The following SLCO1C1 variants were observed in gnomAD, a reference collection of about 807,000 sequenced individuals.
SLCO1C1 encodes the protein OAT-RP-5.
Under a neutral mutation model 76.4 loss-of-function variants are expected in SLCO1C1, and 70 were observed. The observed-to-expected ratio is 0.92, with a 90% confidence interval of 0.76 to 1.12. The LOEUF is 1.12. SLCO1C1 is among the 50% of genes most tolerant of loss of function. The pLI is 0.00. For missense variants in SLCO1C1, 912 were observed against 823.8 expected, an observed-to-expected ratio of 1.11 and a Z score of -1.31; for synonymous variants, 306 against 286.1, an observed-to-expected ratio of 1.07 and a Z score of -0.70.
In SLCO1C1 at chr12:20,733,086, T is replaced by G; in HGVS notation, c.1364T>G (p.Leu455Arg). 6.3e-7 allele frequency: 1 copy of G among 1,591,084 alleles called. No homozygotes were observed. The highest frequency in any genetic ancestry group is 1.2e-5 in the South Asian group (1 of 86,354). The change falls in exon 10 of 15, where the codon CTA (leucine) becomes CGA (arginine). Residue 455 changes from leucine (L) to arginine (R), a missense_variant. By Grantham distance (102) the Leu-to-Arg change is moderately radical (BLOSUM62 -2). Transcript: ENST00000266509. ...TGTGAAAATTCTGATGTGGCAGGAC[T>G]AACTGTCTCCTACCAAGGGTATGTT... is the stretch of plus-strand genomic sequence containing the variant. The part of the protein sequence containing the change: ...LGCENSDVAG[L>R]TVSYQGTKPV...
At chr12:20,707,093 T>C (rs945501698) in intron 4 of SLCO1C1, among the ~76,000 whole-genome samples, 2 of 152,082 alleles carry the variant, frequency 1.3e-5, no homozygotes, top group Non-Finnish European at 2.9e-5. Context: ...GGGCTCAGAA[T>C]TCTCTGAGTG....
In SLCO1C1 at chr12:20,721,815, A is replaced by G. The variant is rs772752193; in HGVS notation, c.787A>G (p.Ile263Val). ...CCTCTGTCTTTCAGATCACATAACCATTACCCCAAAAGATCCCCAGTGGGT... is the reference window on the plus strand; with the variant it reads ...CCTCTGTCTTTCAGATCACATAACCGTTACCCCAAAAGATCCCCAGTGGGT... ...IGFVNLDHIT[I>V]TPKDPQWVGA... The change falls in exon 8 of 15, where the codon ATT becomes GTT. Residue 263 changes from isoleucine to valine, a missense_variant. Physicochemically the swap from Ile to Val is conservative, Grantham distance 29. Transcript: ENST00000266509. 2 of 1,614,114 alleles carry G rather than the reference A, an allele frequency of 1.2e-6. No individual in the cohort carries two copies. Among genetic ancestry groups the G allele is most frequent in the African/African-American group, 1.3e-5 (1 of 75,046 alleles).
chr12:20,717,671 TTTTTTTTTTTTTTTTTTTTTTA>T (rs1947444636), intron 7 of SLCO1C1, among the ~76,000 whole-genome samples: 4 of 115,984 alleles, frequency 3.4e-5, no homozygotes, highest in African/African-American at 1.1e-4. Flanking sequence ...TTTTTTTTTT[TTTTTTTTTTTTTTTTTTTTTTA>T]CTCTGCAAGT....
chr12:20,701,045 AGT>A (rs1185068468), intron 2 of SLCO1C1, among the ~76,000 whole-genome samples: 1 of 152,110 alleles, frequency 6.6e-6, no homozygotes, highest in African/African-American at 2.4e-5. Context: ...TCTGGAGCAG[AGT>A]GGAAGAAGAC....
chr12:20,739,118 T>A (rs2120868323), intron 11 of SLCO1C1, among the ~76,000 whole-genome samples: 1 of 152,340 alleles, frequency 6.6e-6, no homozygotes, highest in South Asian at 2.1e-4. Context: ...GCACCAGAAT[T>A]ATTTTTTTCT....
intron 9 of SLCO1C1, among the ~76,000 whole-genome samples, chr12:20,730,048 G>C (rs1472844012): frequency 6.6e-6 from 1 of 152,110 alleles, no homozygotes; most frequent in Non-Finnish European, 1.5e-5. Context: ...ACGGCACATA[G>C]GTACAGACAA....
chr12:20,699,166 T>C (rs1946402106), intron 1 of SLCO1C1, among the ~76,000 whole-genome samples: 1 of 152,070 alleles, frequency 6.6e-6, no homozygotes. Context: ...TTAAAGACTT[T>C]ATCCTAATGA....
At chr12:20,710,599 C>G (rs1167730917) in intron 4 of SLCO1C1, among the ~76,000 whole-genome samples, 3 of 152,058 alleles carry the variant, frequency 2.0e-5, no homozygotes. Context: ...ATCCCAGTTG[C>G]TATCATAACC....
chr12:20,729,073 T>G (rs1289856184), intron 9 of SLCO1C1, among the ~76,000 whole-genome samples: 1 of 152,180 alleles, frequency 6.6e-6, no homozygotes, highest in African/African-American at 2.4e-5. Context: ...GATCAACACA[T>G]TTTATGATGT....
At chr12:20,732,795 A>G (rs1948350494) in intron 9 of SLCO1C1, 114 bp from the exon 10 acceptor site, 1 of 1,065,174 alleles carries the variant, frequency 9.4e-7, no homozygotes, top group South Asian at 1.6e-5. Flanking sequence ...TCAGTAGATG[A>G]TAGTGACTAT....
At chr12:20,706,972 T>G (rs1309709912) in intron 4 of SLCO1C1, among the ~76,000 whole-genome samples, 2 of 152,196 alleles carry the variant, frequency 1.3e-5, no homozygotes, top group African/African-American at 4.8e-5. Context: ...CAGGACAGTT[T>G]AGAGCTGGAG....
At chr12:20,714,530 C>G (rs562600174) in intron 5 of SLCO1C1, among the ~76,000 whole-genome samples, 2 of 152,260 alleles carry the variant, frequency 1.3e-5, no homozygotes, top group African/African-American at 4.8e-5. Flanking sequence ...AATAACTATA[C>G]TGCTAAAGTA....
intron 7 of SLCO1C1, among the ~76,000 whole-genome samples, chr12:20,718,545 A>G (rs1796505569): frequency 6.6e-6 from 1 of 152,232 alleles, no homozygotes; most frequent in Non-Finnish European, 1.5e-5. Flanking sequence ...GTTAACCATC[A>G]TTTAATAAAA....
intron 6 of SLCO1C1, among the ~76,000 whole-genome samples, chr12:20,715,969 C>T (rs956252943): frequency 1.1e-4 from 17 of 152,134 alleles, no homozygotes; most frequent in Admixed American, 5.2e-4. Context: ...TAGAAATACA[C>T]GTCAGTCTCT....
chr12:20,752,322 C>A lies in SLCO1C1; in HGVS notation c.1933C>A (p.Leu645Ile). 6.3e-7 allele frequency: 1 copy of A among 1,592,374 alleles called. No individual in the cohort carries two copies. The highest frequency in any genetic ancestry group is 1.1e-5 in the South Asian group (1 of 87,940). ...SNVFRHIYLGLTVILGTVSIL... is the reference protein window; with the variant it reads ...SNVFRHIYLGITVILGTVSIL... ...TTCTTCTAGACATATATATCTGGGA[C>A]TAACTGTGATACTGGGCACAGTGTC... The change falls in exon 15 of 15, where the codon CTA becomes ATA. Residue 645 changes from leucine to isoleucine, a missense_variant. Coordinates refer to ENST00000266509, the MANE Select transcript of SLCO1C1 (RefSeq NM_017435.5).
rs188211228 is a variant in SLCO1C1 at position 20,719,897 on chromosome 12, C to G, written c.776-1907C>G. Among the ~76,000 whole-genome samples the G allele has an allele frequency of 1.6e-3, 238 of 152,278 alleles. 2 individuals carry two copies. The highest frequency in any genetic ancestry group is 3.4e-3 in the Middle Eastern group (1 of 294). The stretch of plus-strand genomic sequence containing the variant: ...GCTATGCTAAACAACAGATTTTCAT[C>G]GTAGATGAAATAGTCTTCTATTGGA... On this transcript the variant is annotated intron_variant, in intron 7 of 14. Coordinates refer to ENST00000266509, the MANE Select transcript of SLCO1C1 (RefSeq NM_017435.5).
At chr12:20,737,378 T>C in intron 11 of SLCO1C1, 106 bp downstream of exon 11, 2 of 1,154,340 alleles carry the variant, frequency 1.7e-6, no homozygotes, top group Non-Finnish European at 2.4e-6. Context: ...GGCTTGCCTC[T>C]TACCTCTGCC....
In SLCO1C1 at chr12:20,737,132, C is replaced by T. The variant is rs148204738; in HGVS notation, c.1408C>T (p.Arg470Ter). Residue 470 changes from arginine to a stop codon, truncating the protein, a stop_gained, in exon 11 of 15, where the codon CGA becomes TGA. Transcript: ENST00000266509. LOFTEE classifies it high-confidence loss of function. ...QGTKPVSYHERALFSDCNSRC... is the reference protein window; with the variant it reads ...QGTKPVSYHE ...AACCAAACCTGTCTCTTATCATGAA[C>T]GAGCTCTCTTTTCAGATTGCAACTC... 40 of 1,534,138 alleles carry T rather than the reference C, an allele frequency of 2.6e-5. No homozygotes were observed. The highest frequency in any genetic ancestry group is 1.4e-4 in the Admixed American group (6 of 42,054).
chr12:20,737,685 C>T (rs1046190211), intron 11 of SLCO1C1, among the ~76,000 whole-genome samples: 4 of 152,018 alleles, frequency 2.6e-5, no homozygotes, highest in African/African-American at 9.7e-5. Context: ...GGCTTAGCTC[C>T]AGAGATTCTA....
Sources: allele counts gnomAD v4.1 joint callset (sites outside exome capture counted in the v4.1 genomes callset), GRCh38; gene constraint gnomAD v4.1.1; transcripts MANE v1.5; gene names NCBI Gene and HGNC (gene_info 2026-07-23, HGNC 2026-07-21).